Variants in PPFIA2 observed in about 807,000 individuals in gnomAD.
PPFIA2 encodes liprin-alpha-2.
A neutral mutation model predicts 175.5 loss-of-function variants in PPFIA2; 46 were observed. That is an observed-to-expected ratio of 0.26 (90% confidence interval 0.21 to 0.34). The LOEUF (loss-of-function observed/expected upper bound fraction) is 0.34, where lower values mean the gene tolerates loss of function less well. Among genes scored for constraint, PPFIA2 ranks in the 10% least tolerant of loss-of-function variants. PPFIA2 has a pLI of 1.00. For missense variants in PPFIA2, 1,179 were observed against 1,506.1 expected (o/e 0.78, Z 3.60); for synonymous variants, 568 against 511.4 (o/e 1.11, Z -1.49).
At chr12:81,348,473 C>G (rs1374053331) in intron 17 of PPFIA2, among the ~76,000 whole-genome samples, 2 of 152,130 alleles carry the variant, frequency 1.3e-5, no homozygotes, top group African/African-American at 4.8e-5. Context: ...AGTGGTGGCT[C>G]ACGCCTGTAA....
rs116874948 is a variant in PPFIA2 at position 81,653,974 on chromosome 12, G to A, written c.303+22817C>T. 6.7e-3 allele frequency among the ~76,000 whole-genome samples: 1,023 copies of A among 151,730 alleles called. 16 individuals are homozygous for A. The highest frequency in any genetic ancestry group is 0.028 in the Admixed American group (421 of 15,206). ...AACATATAAATATAGTAATATGTGC[G>A]TATAAGTGTATATACTTTGTGTTAT... On this transcript the variant is annotated intron_variant, in intron 4 of 32. Transcript: ENST00000549396.
rs1194281160 is a variant in PPFIA2 at position 81,628,375 on chromosome 12, C to CT, written c.303+48415_303+48416insA. Among the ~76,000 whole-genome samples the CT allele has an allele frequency of 6.5e-3, 824 of 127,446 alleles. 3 individuals are homozygous for CT. The highest frequency in any genetic ancestry group is 0.02 in the Middle Eastern group (5 of 252). The allele number at this position is 127,446 out of a possible 152,430, so 83.6% of individuals were successfully genotyped here. On this transcript the variant is annotated intron_variant, in intron 4 of 32. Transcript: ENST00000549396. Reference sequence around the variant, plus strand: ...TAAATCCACAATCCACTTTCTTTTACCTTTTTTTTTTTTTTTTTTTTTGAT... The same window carrying CT: ...TAAATCCACAATCCACTTTCTTTTACTCTTTTTTTTTTTTTTTTTTTTTGAT...
At chr12:81,317,174 C>A (rs573432058) in intron 22 of PPFIA2, among the ~76,000 whole-genome samples, 1 of 151,554 alleles carries the variant, frequency 6.6e-6, no homozygotes, top group African/African-American at 2.4e-5. Context: ...AGAATATATG[C>A]ACACAAGGAG....
At chr12:81,692,445 C>A (rs2075368555) in intron 3 of PPFIA2, among the ~76,000 whole-genome samples, 2 of 152,068 alleles carry the variant, frequency 1.3e-5, no homozygotes, top group Admixed American at 1.3e-4. Context: ...ATTATTTACA[C>A]AGGAATAAAT....
intron 4 of PPFIA2, among the ~76,000 whole-genome samples, chr12:81,671,280 T>C (rs1156952672): frequency 6.6e-6 from 1 of 151,984 alleles, no homozygotes; most frequent in Admixed American, 6.6e-5. Flanking sequence ...CCACCTATTC[T>C]TGTATGTTCA....
chr12:81,354,854 G>C (rs916698637), intron 16 of PPFIA2, among the ~76,000 whole-genome samples: 1 of 152,106 alleles, frequency 6.6e-6, no homozygotes, highest in African/African-American at 2.4e-5. Context: ...ATGTTGGCCA[G>C]GCTGGTCTCG....
At chr12:81,350,522 A>C (rs373741282) in intron 17 of PPFIA2, 1 of 152,312 alleles carries the variant, frequency 6.6e-6, no homozygotes, top group African/African-American at 2.4e-5. Flanking sequence ...GTGGAATGAC[A>C]GGAATGTTCC....
At chr12:81,360,205 G>C (rs1474302291) in intron 15 of PPFIA2, among the ~76,000 whole-genome samples, 1 of 151,754 alleles carries the variant, frequency 6.6e-6, no homozygotes, top group African/African-American at 2.4e-5. Context: ...TCTAACAGGA[G>C]AAAACAGAGG....
intron 4 of PPFIA2, among the ~76,000 whole-genome samples, chr12:81,599,607 G>C (rs1227303202): frequency 6.6e-6 from 1 of 151,864 alleles, no homozygotes; most frequent in Admixed American, 6.6e-5. Context: ...CATTAACTAT[G>C]GGACACTTGT....
At chr12:81,669,629 C>T (rs562446543) in intron 4 of PPFIA2, among the ~76,000 whole-genome samples, 6 of 151,914 alleles carry the variant, frequency 3.9e-5, no homozygotes, top group African/African-American at 1.4e-4. Context: ...GGCAGTAAGC[C>T]ATGAGGATAT....
chr12:81,392,552 T>C (rs994846403), intron 8 of PPFIA2, among the ~76,000 whole-genome samples: 9 of 151,898 alleles, frequency 5.9e-5, no homozygotes, highest in Admixed American at 2.0e-4. Context: ...ATTGTTACTT[T>C]ATCAGAAAGG....
At chr12:81,572,644 C>A (rs7301025) in intron 4 of PPFIA2, among the ~76,000 whole-genome samples, 17,439 of 151,958 alleles carry the variant, frequency 0.11, 1,071 homozygotes, top group Middle Eastern at 0.18. Flanking sequence ...TAAATAGAAC[C>A]TGCAGCAACC....
intron 4 of PPFIA2, among the ~76,000 whole-genome samples, chr12:81,591,305 T>C (rs1228218138): frequency 6.6e-6 from 1 of 152,204 alleles, no homozygotes; most frequent in Non-Finnish European, 1.5e-5. Context: ...TTAAAGGCAC[T>C]TAGTTTTAAA....
chr12:81,412,597 G>A (rs925010247), intron 7 of PPFIA2, among the ~76,000 whole-genome samples: 1 of 151,878 alleles, frequency 6.6e-6, no homozygotes, highest in African/African-American at 2.4e-5. Context: ...TAGTTTGAAA[G>A]GTGATTCCTG....
chr12:81,259,542 A>T lies in PPFIA2; in HGVS notation c.*152T>A. The T allele has an allele frequency of 7.9e-7, 1 of 1,260,172 alleles. No individual in the cohort carries two copies. Among genetic ancestry groups the T allele is most frequent in the Non-Finnish European group, 1.1e-6 (1 of 907,704 alleles). The allele number at this position is 1,260,172 out of a possible 1,614,324, so 78.1% of individuals were successfully genotyped here. ...ACTCCCCCCAAAAATCACATTTTTC[A>T]GCTTTTAATAAGTCATGACGTCATT... On this transcript the variant is annotated 3_prime_UTR_variant, in exon 33 of 33. Coordinates refer to ENST00000549396, the MANE Select transcript of PPFIA2 (RefSeq NM_003625.5).
intron 4 of PPFIA2, among the ~76,000 whole-genome samples, chr12:81,627,665 T>C (rs1047549755): frequency 6.6e-6 from 1 of 152,194 alleles, no homozygotes; most frequent in Non-Finnish European, 1.5e-5. Context: ...GGAACTCTTT[T>C]ATACATTCTG....
chr12:81,708,380 C>T (rs1162643458), intron 3 of PPFIA2, among the ~76,000 whole-genome samples: 2 of 152,056 alleles, frequency 1.3e-5, no homozygotes, highest in Admixed American at 6.6e-5. Flanking sequence ...GGAGACTCAT[C>T]CACCAATTAT....
chr12:81,546,157 G>C (rs544964403), intron 4 of PPFIA2: 38 of 148,786 alleles, frequency 2.6e-4, no homozygotes, highest in African/African-American at 8.5e-4. Context: ...ATTCATCCGA[G>C]AAAGAGGTAA....
intron 4 of PPFIA2, among the ~76,000 whole-genome samples, chr12:81,531,546 GACAAA>G (rs1594579070): frequency 6.6e-6 from 1 of 151,340 alleles, no homozygotes; most frequent in South Asian, 2.1e-4. Flanking sequence ...ACTTACAAAG[GACAAA>G]ACAAAACAAT....
Sources: allele counts gnomAD v4.1 joint callset (sites outside exome capture counted in the v4.1 genomes callset), GRCh38; gene constraint gnomAD v4.1.1; transcripts MANE v1.5; gene names NCBI Gene and HGNC (gene_info 2026-07-23, HGNC 2026-07-21).